FRMD3: variants seen among roughly 807,000 people sequenced by gnomAD.
The protein encoded by FRMD3 is FERM domain-containing protein 3.
In FRMD3, 33 loss-of-function variants were observed where a neutral mutation model predicts 70.2. The observed-to-expected ratio is 0.47, with a 90% CI of 0.36 to 0.63. FRMD3 has a LOEUF of 0.63. FRMD3 is among the 20% of genes least tolerant of loss of function. The probability of loss-of-function intolerance (pLI) is 0.00; values close to 1 mark genes in which losing one functional copy is unlikely to be tolerated. For missense variants in FRMD3, 632 were observed against 711.4 expected, an observed-to-expected ratio of 0.89 and a Z score of 1.27; for synonymous variants, 279 against 255.9, an observed-to-expected ratio of 1.09 and a Z score of -0.86.
rs1444812358 is a variant in FRMD3 at position 83,311,914 on chromosome 9, C to T, written c.746G>A (p.Gly249Glu). The T allele has an allele frequency of 6.2e-7, 1 of 1,611,190 alleles. No homozygotes were observed. Among genetic ancestry groups the T allele is most frequent in the Non-Finnish European group, 8.5e-7 (1 of 1,178,744 alleles). The change falls in exon 8 of 14, where the codon GGA becomes GAA. Residue 249 changes from glycine to glutamate, a missense_variant. Gly to Glu is a moderately conservative substitution (Grantham distance 98). Transcript: ENST00000304195. ...TTTTATCAAATGGATTCTCTTATTT[C>T]CCTGAAAGACCACAAAGCCTGCAGC... ...FTAAGFVVFQ[G>E]NKRIHLIKWP...
chr9:83,378,870 C>A (rs1457088287), intron 2 of FRMD3, among the ~76,000 whole-genome samples: 3 of 71,958 alleles, frequency 4.2e-5, no homozygotes, highest in African/African-American at 1.5e-4. Context: ...TATATATACA[C>A]TATATATATA....
At chr9:83,493,286 A>T (rs1229939639) in intron 1 of FRMD3, among the ~76,000 whole-genome samples, 2 of 152,190 alleles carry the variant, frequency 1.3e-5, no homozygotes, top group Non-Finnish European at 2.9e-5. Flanking sequence ...CTCCACCAGA[A>T]CTTCCTCAAG....
chr9:83,465,832 C>T (rs1828112098), intron 1 of FRMD3, among the ~76,000 whole-genome samples: 1 of 152,008 alleles, frequency 6.6e-6, no homozygotes, highest in African/African-American at 2.4e-5. Context: ...GAGCTGTATC[C>T]AACTCATTAA....
At chr9:83,267,083 A>G (rs1000523694) in intron 13 of FRMD3, 1 of 1,550,822 alleles carries the variant, frequency 6.4e-7, no homozygotes, top group African/African-American at 1.4e-5. Flanking sequence ...GCAGTGGTTC[A>G]CCATGTGCAA....
chr9:83,500,714 T>A (rs1829049556), intron 1 of FRMD3, among the ~76,000 whole-genome samples: 1 of 152,124 alleles, frequency 6.6e-6, no homozygotes, highest in Non-Finnish European at 1.5e-5. Flanking sequence ...AATTAGTCAA[T>A]GCAAAAAAAT....
At chr9:83,315,380 C>T (rs1835527985) in intron 6 of FRMD3, among the ~76,000 whole-genome samples, 1 of 152,214 alleles carries the variant, frequency 6.6e-6, no homozygotes, top group South Asian at 2.1e-4. Flanking sequence ...TGTGGAACAG[C>T]ATGTGATATG....
intron 1 of FRMD3, among the ~76,000 whole-genome samples, chr9:83,520,660 A>T (rs997588482): frequency 1.3e-5 from 2 of 152,226 alleles, no homozygotes; most frequent in Non-Finnish European, 2.9e-5. Flanking sequence ...ACAGATACAG[A>T]ACAGTGTTAC....
Position 83,538,347 on chromosome 9 carries a change from A to C in FRMD3, c.-116T>G. The C allele has an allele frequency of 1.0e-6, 1 of 995,638 alleles. No homozygotes were observed. Among genetic ancestry groups the C allele is most frequent in the South Asian group, 4.7e-5 (1 of 21,432 alleles). 61.7% of individuals were successfully genotyped at this position (995,638 alleles called of 1,614,324 possible). ...CACCTGGGCGCGGCTCAGCCCCGGGACATCGGCAGCGTCGGGCGCCTGCGG... is the reference window on the plus strand; with the variant it reads ...CACCTGGGCGCGGCTCAGCCCCGGGCCATCGGCAGCGTCGGGCGCCTGCGG... On this transcript the variant is annotated 5_prime_UTR_variant, in exon 1 of 14. Coordinates refer to ENST00000304195, the MANE Select transcript of FRMD3 (RefSeq NM_174938.6). The surrounding 1 kb of genome is among the most constrained non-coding windows in gnomAD (Gnocchi z 4.7).
intron 9 of FRMD3, 152 bp downstream of exon 9, chr9:83,310,333 C>T (rs1023279262): frequency 2.7e-5 from 19 of 709,090 alleles, no homozygotes; most frequent in Non-Finnish European, 4.6e-5. Context: ...CATTTGTTTG[C>T]CTCTAAAATA....
At chr9:83,373,583 C>T (rs908301084) in intron 2 of FRMD3, among the ~76,000 whole-genome samples, 1 of 152,114 alleles carries the variant, frequency 6.6e-6, no homozygotes, top group Admixed American at 6.5e-5. Flanking sequence ...ATGTTACTGA[C>T]AGGCATTTGA....
At chr9:83,458,941 C>T (rs552538680) in intron 1 of FRMD3, among the ~76,000 whole-genome samples, 1 of 152,190 alleles carries the variant, frequency 6.6e-6, no homozygotes, top group Non-Finnish European at 1.5e-5. Context: ...TACTCATTTG[C>T]TTAATACATG....
intron 1 of FRMD3, among the ~76,000 whole-genome samples, chr9:83,425,988 C>T (rs1443387394): frequency 6.6e-6 from 1 of 151,246 alleles, no homozygotes; most frequent in Admixed American, 6.6e-5. Context: ...TATTAAACCT[C>T]ACAGGCTTAG....
intron 13 of FRMD3, among the ~76,000 whole-genome samples, chr9:83,273,310 GC>G (rs375357134): frequency 0.18 from 26,091 of 148,466 alleles, 2,492 homozygotes; most frequent in African/African-American, 0.25. Context: ...GCCTTGGGAT[GC>G]TGTTAATCTA....
chr9:83,332,536 A>C (rs1042954381), intron 6 of FRMD3, among the ~76,000 whole-genome samples: 1 of 152,056 alleles, frequency 6.6e-6, no homozygotes, highest in African/African-American at 2.4e-5. Flanking sequence ...AAGAATGGTG[A>C]CTTTTTTTCC....
At chr9:83,260,660 CAT>C (rs1166285209) in intron 13 of FRMD3, among the ~76,000 whole-genome samples, 1 of 152,262 alleles carries the variant, frequency 6.6e-6, no homozygotes, top group East Asian at 1.9e-4. Flanking sequence ...AAGCCACACA[CAT>C]ACACAAAAAC....
rs1246048937 is a variant in FRMD3 at position 83,255,615 on chromosome 9, T to C, written c.1196-7099A>G. On this transcript the variant is annotated intron_variant, in intron 13 of 13. Coordinates refer to ENST00000304195, the MANE Select transcript of FRMD3 (RefSeq NM_174938.6). ...TATCTTTATTTGACATGATTCTATA[T>C]CTAGAAAACCCCATCGTCTCAGCCC... is the stretch of plus-strand genomic sequence containing the variant. Among the ~76,000 whole-genome samples the C allele has an allele frequency of 4.6e-5, 7 of 152,222 alleles. No homozygotes were observed. The East Asian group carries it at 1.4e-3, about 29-fold the overall frequency.
chr9:83,411,453 C>A (rs1826275213), intron 1 of FRMD3, among the ~76,000 whole-genome samples: 1 of 152,244 alleles, frequency 6.6e-6, no homozygotes, highest in South Asian at 2.1e-4. Context: ...GACTGTCCCA[C>A]CTCTTGGTTC....
chr9:83,245,586 A>T lies in FRMD3; in HGVS notation c.*2332T>A. On this transcript the variant is annotated 3_prime_UTR_variant, in exon 14 of 14. Coordinates refer to ENST00000304195, the MANE Select transcript of FRMD3 (RefSeq NM_174938.6). ...TAAGATAAATCTGCATCGTTGGATT[A>T]CATGTGATATTTATACTATCATATT... 1.2e-6 allele frequency: 1 copy of T among 841,568 alleles called. No homozygotes were observed. 52.1% of individuals were successfully genotyped at this position (841,568 alleles called of 1,614,324 possible).
chr9:83,471,703 T>A (rs1426713392), intron 1 of FRMD3, among the ~76,000 whole-genome samples: 1 of 152,194 alleles, frequency 6.6e-6, no homozygotes, highest in Non-Finnish European at 1.5e-5. Context: ...GGCTAGATGG[T>A]CTCTGAGAAG....
Sources: gnomAD v4.1 joint callset for allele counts (sites outside exome capture counted in the v4.1 genomes callset) on GRCh38, gnomAD v4.1.1 for gene constraint, Gnocchi (gnomAD v3.1) non-coding constraint, MANE v1.5 for transcripts, NCBI Gene and HGNC (gene_info 2026-07-23, HGNC 2026-07-21) for gene names.